CDH13: variants seen among roughly 807,000 people sequenced by gnomAD.
CDH13 encodes cadherin-13.
Under a neutral mutation model 63.8 loss-of-function variants are expected in CDH13, and 24 were observed. The observed-to-expected ratio is 0.38, with a 90% confidence interval of 0.27 to 0.53. CDH13 has a LOEUF of 0.53. Among genes scored for constraint, CDH13 ranks in the 20% least tolerant of loss-of-function variants. CDH13 has a pLI of 0.85. For missense variants in CDH13, 1,049 were observed against 903.1 expected (o/e 1.16, Z -2.07); for synonymous variants, 503 against 355.3 (o/e 1.42, Z -4.67).
intron 5 of CDH13, among the ~76,000 whole-genome samples, chr16:83,234,961 C>T (rs997092873): frequency 6.6e-6 from 1 of 152,276 alleles, no homozygotes; most frequent in South Asian, 2.1e-4. Context: ...CCTTGGGAGG[C>T]CTAAGCCAGA....
intron 2 of CDH13, among the ~76,000 whole-genome samples, chr16:82,867,052 C>G (rs888537205): frequency 6.6e-6 from 1 of 152,226 alleles, no homozygotes; most frequent in Non-Finnish European, 1.5e-5. Flanking sequence ...TGATAACTGA[C>G]AGTTACTGTG....
intron 10 of CDH13, among the ~76,000 whole-genome samples, chr16:83,700,785 G>T (rs1445404013): frequency 6.6e-6 from 1 of 152,116 alleles, no homozygotes. Flanking sequence ...ATTTCATTTT[G>T]TTAATTCCAC....
At chr16:83,056,948 A>G (rs2031007653) in intron 3 of CDH13, among the ~76,000 whole-genome samples, 1 of 151,504 alleles carries the variant, frequency 6.6e-6, no homozygotes, top group Non-Finnish European at 1.5e-5. Flanking sequence ...AGTCCATTAA[A>G]CCTTTTTTAC....
rs1054683499 is a variant in CDH13 at position 83,027,933 on chromosome 16, T to C, written c.158-4077T>C. Among the ~76,000 whole-genome samples, 13 of 152,356 alleles carry C rather than the reference T, an allele frequency of 8.5e-5. No individual in the cohort carries two copies. In the South Asian group the frequency reaches 2.1e-3, roughly 24 times the overall value. The stretch of plus-strand genomic sequence containing the variant: ...TAGACTTCAAACTAGGGACTGTGCC[T>C]GTCTTTGTTCAACATTATAACCTCA... On this transcript the variant is annotated intron_variant, in intron 2 of 13. Coordinates refer to ENST00000567109, the MANE Select transcript of CDH13 (RefSeq NM_001257.5).
At chr16:83,548,621 G>A (rs112665403) in intron 7 of CDH13, among the ~76,000 whole-genome samples, 1 of 152,144 alleles carries the variant, frequency 6.6e-6, no homozygotes, top group Non-Finnish European at 1.5e-5. Context: ...GGGGTATGTG[G>A]TGTCAATGGA....
intron 8 of CDH13, among the ~76,000 whole-genome samples, chr16:83,646,774 A>C (rs138789288): frequency 6.6e-6 from 1 of 150,428 alleles, no homozygotes; most frequent in Admixed American, 6.7e-5. Flanking sequence ...AGTTAGCTCA[A>C]TTCTACCAAA....
intron 8 of CDH13, among the ~76,000 whole-genome samples, chr16:83,661,197 A>G (rs1007463539): frequency 6.6e-6 from 1 of 152,136 alleles, no homozygotes; most frequent in Admixed American, 6.5e-5. Flanking sequence ...TACCATCTCA[A>G]ACATTCTTGC....
rs921079001 is a variant in CDH13, at chr16:83,057,621, T to C, written c.366+25403T>C. Reference sequence around the variant, plus strand: ...AAAAAAAGGCTCACCACTGAGGCTGTAAGGCTAAATCCTTAGCATGACACA... The same window carrying C: ...AAAAAAAGGCTCACCACTGAGGCTGCAAGGCTAAATCCTTAGCATGACACA... On this transcript the variant is annotated intron_variant, in intron 3 of 13. Coordinates refer to ENST00000567109, the MANE Select transcript of CDH13 (RefSeq NM_001257.5). 2.4e-4 allele frequency among the ~76,000 whole-genome samples: 37 copies of C among 151,384 alleles called. 1 individual carries two copies. The highest frequency in any genetic ancestry group is 9.0e-4 in the African/African-American group (37 of 41,300).
intron 6 of CDH13, among the ~76,000 whole-genome samples, chr16:83,347,098 A>T (rs1269276495): frequency 1.3e-5 from 2 of 152,278 alleles, no homozygotes; most frequent in East Asian, 3.9e-4. Context: ...ATTACTTAGC[A>T]CCCTGTAAGA....
chr16:82,927,946 C>G lies in CDH13; in HGVS notation c.157+69473C>G, dbSNP rs1260864732. ...TGTATTAGATATTGGGGCTATAAGA[C>G]ATGGTCTAGTTGGGGAGATATATGG... On this transcript the variant is annotated intron_variant, in intron 2 of 13. Transcript: ENST00000567109. 5.8e-4 allele frequency among the ~76,000 whole-genome samples: 89 copies of G among 152,182 alleles called. 1 individual carries two copies. Among genetic ancestry groups the G allele is most frequent in the Non-Finnish European group, 5.9e-5 (4 of 68,024 alleles).
intron 1 of CDH13, among the ~76,000 whole-genome samples, chr16:82,817,528 G>A (rs998715832): frequency 6.6e-6 from 1 of 152,176 alleles, no homozygotes; most frequent in Non-Finnish European, 1.5e-5. Flanking sequence ...TATAGAGTGG[G>A]TGCAGTGGCT....
At chr16:83,035,479 G>A (rs1385839420) in intron 3 of CDH13, among the ~76,000 whole-genome samples, 1 of 152,204 alleles carries the variant, frequency 6.6e-6, no homozygotes, top group East Asian at 1.9e-4. Flanking sequence ...AGATGCTACT[G>A]TGTTCTGCCT....
chr16:83,324,630 G>A (rs375929884), intron 5 of CDH13, among the ~76,000 whole-genome samples: 38 of 152,166 alleles, frequency 2.5e-4, no homozygotes, highest in African/African-American at 8.9e-4. Flanking sequence ...AATATATCAC[G>A]TTTTGTTCAT....
At chr16:82,879,962 CATT>C (rs2040641708) in intron 2 of CDH13, among the ~76,000 whole-genome samples, 3 of 144,236 alleles carry the variant, frequency 2.1e-5, no homozygotes, top group Non-Finnish European at 4.5e-5. Flanking sequence ...CAGTATGTAT[CATT>C]ATATATAGAT....
At chr16:83,110,728 T>A (rs1387134511) in intron 3 of CDH13, among the ~76,000 whole-genome samples, 1 of 152,060 alleles carries the variant, frequency 6.6e-6, no homozygotes. Flanking sequence ...CCAACCAGCT[T>A]TTGTTTTGCC....
chr16:83,221,933 C>T (rs1386543770), intron 5 of CDH13, among the ~76,000 whole-genome samples: 1 of 152,164 alleles, frequency 6.6e-6, no homozygotes, highest in Non-Finnish European at 1.5e-5. Context: ...AAATGGTTAT[C>T]TTGTCTTCAC....
chr16:82,950,656 T>C (rs1905198952), intron 2 of CDH13, among the ~76,000 whole-genome samples: 1 of 152,180 alleles, frequency 6.6e-6, no homozygotes, highest in Admixed American at 6.5e-5. Flanking sequence ...TTTTTCTTTA[T>C]AAACATGTCT....
chr16:83,381,130 G>A (rs2091559068), intron 6 of CDH13, among the ~76,000 whole-genome samples: 1 of 151,976 alleles, frequency 6.6e-6, no homozygotes, highest in South Asian at 2.1e-4. Context: ...ATTTCATTGT[G>A]TCCTCAATAG....
chr16:83,107,046 A>G (rs1463380457), intron 3 of CDH13, among the ~76,000 whole-genome samples: 1 of 152,186 alleles, frequency 6.6e-6, no homozygotes. Flanking sequence ...ACACACACAC[A>G]TTTGAAAAAT....
Sources: gnomAD v4.1 joint callset for allele counts (sites outside exome capture counted in the v4.1 genomes callset) on GRCh38, gnomAD v4.1.1 for gene constraint, MANE v1.5 for transcripts, NCBI Gene and HGNC (gene_info 2026-07-23, HGNC 2026-07-21) for gene names.